TAFA1: variants seen among roughly 807,000 people sequenced by gnomAD.
TAFA1 encodes the protein chemokine-like protein TAFA-1.
Under a neutral mutation model 18.5 loss-of-function variants are expected in TAFA1, and 4 were observed. That is an observed-to-expected ratio of 0.22 (90% CI 0.11 to 0.49). The LOEUF (loss-of-function observed/expected upper bound fraction) is 0.49. TAFA1 is among the 20% of genes least tolerant of loss of function. The probability of loss-of-function intolerance (pLI) is 0.98; values close to 1 mark genes in which losing one functional copy is unlikely to be tolerated. For synonymous variants in TAFA1, 56 were observed against 55.2 expected, an observed-to-expected ratio of 1.01 and a Z score of -0.06; for missense variants, 147 against 169.0, an observed-to-expected ratio of 0.87 and a Z score of 0.72.
chr3:68,330,090 C>G (rs1491746), intron 2 of TAFA1, among the ~76,000 whole-genome samples: 52,400 of 152,030 alleles, frequency 0.34, 9,347 homozygotes, highest in South Asian at 0.54. Context: ...GTATCAGTAC[C>G]ACTTATATAT....
At chr3:68,288,577 C>T (rs1219811537) in intron 2 of TAFA1, among the ~76,000 whole-genome samples, 1 of 152,192 alleles carries the variant, frequency 6.6e-6, no homozygotes, top group African/African-American at 2.4e-5. Flanking sequence ...TCCTCTATTT[C>T]TCATCCAGAC....
intron 3 of TAFA1, among the ~76,000 whole-genome samples, chr3:68,522,812 G>A (rs919871770): frequency 2.6e-5 from 4 of 151,008 alleles, no homozygotes; most frequent in African/African-American, 9.8e-5. Flanking sequence ...TCATACCACT[G>A]TACTCCAGCC....
intron 2 of TAFA1, among the ~76,000 whole-genome samples, chr3:68,113,777 T>C (rs962555023): frequency 3.3e-5 from 5 of 152,088 alleles, no homozygotes; most frequent in Non-Finnish European, 5.9e-5. Flanking sequence ...TCCTCCTTTA[T>C]CCATACTTTT....
At chr3:68,029,489 A>G (rs1704885874) in intron 2 of TAFA1, among the ~76,000 whole-genome samples, 1 of 152,204 alleles carries the variant, frequency 6.6e-6, no homozygotes, top group Non-Finnish European at 1.5e-5. Flanking sequence ...TGTTCCAGTA[A>G]GTAAATCAAA....
At chr3:68,104,212 G>A (rs923188975) in intron 2 of TAFA1, among the ~76,000 whole-genome samples, 1 of 151,798 alleles carries the variant, frequency 6.6e-6, no homozygotes, top group African/African-American at 2.4e-5. Flanking sequence ...GATTAATATG[G>A]GTCTATTGTG....
At chr3:68,483,832 A>C (rs1373255787) in intron 3 of TAFA1, among the ~76,000 whole-genome samples, 4 of 152,222 alleles carry the variant, frequency 2.6e-5, no homozygotes. Context: ...GTGTCACTGG[A>C]GCCCGAAGTT....
At chr3:68,271,148 C>G (rs1211166616) in intron 2 of TAFA1, among the ~76,000 whole-genome samples, 1 of 152,082 alleles carries the variant, frequency 6.6e-6, no homozygotes, top group Non-Finnish European at 1.5e-5. Flanking sequence ...CCCCCTTCCT[C>G]TCTTGGTGCT....
intron 2 of TAFA1, among the ~76,000 whole-genome samples, chr3:68,121,696 A>G (rs1224170342): frequency 6.6e-6 from 1 of 152,134 alleles, no homozygotes; most frequent in Non-Finnish European, 1.5e-5. Context: ...AATGTACATA[A>G]TTTACTATTT....
At chr3:68,498,826 A>G (rs1035586715) in intron 3 of TAFA1, among the ~76,000 whole-genome samples, 2 of 141,662 alleles carry the variant, frequency 1.4e-5, no homozygotes, top group African/African-American at 5.4e-5. Context: ...ATTCTTGTGT[A>G]TAGAGGGTTG....
At chr3:67,995,926 G>A in the TAFA1 span, among the ~76,000 whole-genome samples, 1 of 152,162 alleles carries the variant, frequency 6.6e-6, no homozygotes, top group African/African-American at 2.4e-5. Flanking sequence ...TAAATGAGAA[G>A]TGACTGTGTA....
At chr3:68,405,724 A>C in intron 2 of TAFA1, among the ~76,000 whole-genome samples, 1 of 142,270 alleles carries the variant, frequency 7.0e-6, no homozygotes, top group Non-Finnish European at 1.5e-5. Flanking sequence ...AAAAAAAAAA[A>C]AAAAAAAAAA....
At chr3:68,006,463 C>G in intron 1 of TAFA1, 161 bp from the exon 2 acceptor site, 1 of 585,322 alleles carries the variant, frequency 1.7e-6, no homozygotes, top group African/African-American at 1.8e-5. Context: ...GGCTTTCTCT[C>G]AATCCCACTT....
intron 2 of TAFA1, among the ~76,000 whole-genome samples, chr3:68,316,414 GT>G (rs1431392111): frequency 2.0e-5 from 3 of 152,146 alleles, no homozygotes; most frequent in African/African-American, 7.2e-5. Context: ...AACCAATACA[GT>G]TTCATGTAGC....
chr3:68,342,830 A>C (rs995107189), intron 2 of TAFA1, among the ~76,000 whole-genome samples: 1 of 152,206 alleles, frequency 6.6e-6, no homozygotes, highest in African/African-American at 2.4e-5. Context: ...TGGCCTTTAC[A>C]ATATGAGCTG....
intron 3 of TAFA1, among the ~76,000 whole-genome samples, chr3:68,444,573 GA>G (rs2071441173): frequency 6.6e-6 from 1 of 151,946 alleles, no homozygotes; most frequent in Non-Finnish European, 1.5e-5. Flanking sequence ...AGAATATTTG[GA>G]GGAATATGGG....
At chr3:68,114,463 A>G (rs938852319) in intron 2 of TAFA1, among the ~76,000 whole-genome samples, 1 of 152,252 alleles carries the variant, frequency 6.6e-6, no homozygotes, top group Non-Finnish European at 1.5e-5. Flanking sequence ...AAAAGATCAT[A>G]TACAGGAGCC....
chr3:68,076,281 C>T (rs1043379822), intron 2 of TAFA1, among the ~76,000 whole-genome samples: 1 of 147,470 alleles, frequency 6.8e-6, no homozygotes, highest in Non-Finnish European at 1.5e-5. Flanking sequence ...GTTCCTACTT[C>T]TTTTTTTTTT....
intron 2 of TAFA1, among the ~76,000 whole-genome samples, chr3:68,332,553 A>G (rs760253079): frequency 2.0e-5 from 3 of 152,308 alleles, no homozygotes; most frequent in Middle Eastern, 3.4e-3. Flanking sequence ...AAACTCATGC[A>G]ACTCAACAGC....
chr3:68,479,244 ATAT>A (rs2072176553), intron 3 of TAFA1, among the ~76,000 whole-genome samples: 2 of 123,056 alleles, frequency 1.6e-5, no homozygotes, highest in African/African-American at 6.3e-5. Context: ...AAAAAAAAAT[ATAT>A]ATATATATAT....
Sources: allele counts gnomAD v4.1 joint callset (sites outside exome capture counted in the v4.1 genomes callset), GRCh38; gene constraint gnomAD v4.1.1; transcripts MANE v1.5; gene names NCBI Gene and HGNC (gene_info 2026-07-23, HGNC 2026-07-21).